The following TMEM272 variants were observed in gnomAD, a reference collection of about 807,000 sequenced individuals.
The protein encoded by TMEM272 is long intergenic non-protein coding RNA 282.
TMEM272 carries 8 observed loss-of-function variants against 3.7 expected under a neutral mutation model. That is an observed-to-expected ratio of 2.17 (90% CI 1.27 to 3.91). The LOEUF (loss-of-function observed/expected upper bound fraction) is 3.91, where lower values mean the gene tolerates loss of function less well. Ranked by LOEUF, TMEM272 falls within the 30% of genes most tolerant of loss-of-function variation. The probability of loss-of-function intolerance (pLI) is 0.00; values close to 1 mark genes in which losing one functional copy is unlikely to be tolerated. For synonymous variants in TMEM272, 63 were observed against 39.8 expected (o/e 1.58, Z -2.20); for missense variants, 166 against 91.5 (o/e 1.81, Z -3.32).
At chr13:51,873,674 T>C in the TMEM272 span, among the ~76,000 whole-genome samples, 1 of 152,168 alleles carries the variant, frequency 6.6e-6, no homozygotes, top group South Asian at 2.1e-4. Flanking sequence ...GGGATGTTCT[T>C]CCCTCAGCCT....
At chr13:51,874,040 G>A in the TMEM272 span, among the ~76,000 whole-genome samples, 1,641 of 152,288 alleles carry the variant, frequency 0.011, 16 homozygotes, top group Non-Finnish European at 0.017. Flanking sequence ...CCAGACCTCA[G>A]TGAAGAGAAA....
chr13:51,928,598 T>G, the TMEM272 span, among the ~76,000 whole-genome samples: 1 of 152,220 alleles, frequency 6.6e-6, no homozygotes. Context: ...GCAGGTTTCC[T>G]GTGGACTGCC....
At chr13:51,889,043 T>C in the TMEM272 span, among the ~76,000 whole-genome samples, 2 of 152,188 alleles carry the variant, frequency 1.3e-5, no homozygotes, top group Non-Finnish European at 2.9e-5. Context: ...GGTATCTACA[T>C]TGTGTCCAGG....
At chr13:51,880,120 C>T in the TMEM272 span, among the ~76,000 whole-genome samples, 552 of 152,232 alleles carry the variant, frequency 3.6e-3, 1 homozygote, top group Admixed American at 4.1e-3. Flanking sequence ...TGTTTTTAAG[C>T]TCAAATTTGA....
At chr13:51,847,034 C>T (rs1956310601), upstream of TMEM272, among the ~76,000 whole-genome samples, 1 of 152,174 alleles carries the variant, frequency 6.6e-6, no homozygotes, top group African/African-American at 2.4e-5. Context: ...ATGCCCTATA[C>T]AGGTGCACCA....
At chr13:51,908,567 G>A in the TMEM272 span, 3 of 1,504,388 alleles carry the variant, frequency 2.0e-6, no homozygotes, top group South Asian at 1.1e-5. Context: ...CAAAGCCAGG[G>A]CCACTCACTT....
chr13:51,908,762 C>T, the TMEM272 span: 2 of 1,461,024 alleles, frequency 1.4e-6, no homozygotes, highest in East Asian at 2.3e-5. Context: ...ATCTGTCTTG[C>T]CTTTGTGGAG....
At chr13:51,894,130 G>C in the TMEM272 span, among the ~76,000 whole-genome samples, 2 of 152,228 alleles carry the variant, frequency 1.3e-5, no homozygotes, top group African/African-American at 4.8e-5. Context: ...CACAACTTTA[G>C]AGGTTAAAAA....
At chr13:51,835,004 C>T (rs1164725427) in intron 2 of TMEM272, among the ~76,000 whole-genome samples, 1 of 152,040 alleles carries the variant, frequency 6.6e-6, no homozygotes, top group East Asian at 1.9e-4. Context: ...TGCACAGTGG[C>T]CCAGGAGAGC....
chr13:51,925,604 G>A, the TMEM272 span, among the ~76,000 whole-genome samples: 2 of 152,058 alleles, frequency 1.3e-5, no homozygotes, highest in Non-Finnish European at 2.9e-5. Context: ...TAGTTACAGA[G>A]ATGCATAGAG....
chr13:51,913,043 G>C, the TMEM272 span, among the ~76,000 whole-genome samples: 1 of 152,184 alleles, frequency 6.6e-6, no homozygotes, highest in Admixed American at 6.5e-5. Flanking sequence ...TCTGGGCAAA[G>C]CCTGTTAATT....
the TMEM272 span, among the ~76,000 whole-genome samples, chr13:51,868,300 G>A: frequency 5.2e-3 from 792 of 152,338 alleles, 9 homozygotes; most frequent in African/African-American, 0.018. Context: ...GCAAATGCTA[G>A]GAGGGAAGAG....
intron 2 of TMEM272, among the ~76,000 whole-genome samples, chr13:51,833,915 G>A (rs528749034): frequency 6.6e-5 from 10 of 152,146 alleles, no homozygotes; most frequent in Non-Finnish European, 1.5e-4. Flanking sequence ...GGATGCAGGG[G>A]AGTCCCCCAA....
the TMEM272 span, among the ~76,000 whole-genome samples, chr13:51,929,643 T>C: frequency 6.6e-6 from 1 of 152,182 alleles, no homozygotes; most frequent in South Asian, 2.1e-4. Context: ...GCATTCACCT[T>C]TGGGAGGAAG....
chr13:51,906,244 A>G, the TMEM272 span, among the ~76,000 whole-genome samples: 64 of 152,296 alleles, frequency 4.2e-4, 1 homozygote, highest in South Asian at 0.013. Flanking sequence ...GAAATAATCT[A>G]TTGAGTGCAG....
At chr13:51,852,651 G>A in the TMEM272 span, among the ~76,000 whole-genome samples, 10 of 152,042 alleles carry the variant, frequency 6.6e-5, no homozygotes, top group South Asian at 6.2e-4. Flanking sequence ...AGGCCAAGGC[G>A]GGCAGATCAT....
chr13:51,898,633 G>C, the TMEM272 span, among the ~76,000 whole-genome samples: 455 of 149,754 alleles, frequency 3.0e-3, 20 homozygotes, highest in East Asian at 0.075. Flanking sequence ...ATAAATGTTA[G>C]TTCTCTCTCC....
the TMEM272 span, among the ~76,000 whole-genome samples, chr13:51,903,658 C>T: frequency 2.6e-5 from 4 of 152,110 alleles, no homozygotes; most frequent in African/African-American, 7.2e-5. Context: ...CCAGAAGTCC[C>T]GGTTTCTATG....
At chr13:51,870,965 T>C in the TMEM272 span, among the ~76,000 whole-genome samples, 1 of 152,108 alleles carries the variant, frequency 6.6e-6, no homozygotes, top group African/African-American at 2.4e-5. Context: ...CAGAAGATGG[T>C]GGTATCTCAC....
Sources: gnomAD v4.1 joint callset for allele counts (sites outside exome capture counted in the v4.1 genomes callset) on GRCh38, gnomAD v4.1.1 for gene constraint, MANE v1.5 for transcripts, NCBI Gene and HGNC (gene_info 2026-07-23, HGNC 2026-07-21) for gene names.